The following DNAH12 variants were observed in gnomAD, a reference collection of about 807,000 sequenced individuals.
DNAH12 encodes the protein dynein axonemal heavy chain 12.
Under a neutral mutation model 371.5 loss-of-function variants are expected in DNAH12, and 285 were observed. The observed-to-expected ratio is 0.77, with a 90% CI of 0.70 to 0.85. The LOEUF is 0.85. DNAH12 is among the 40% of genes least tolerant of loss of function. DNAH12 has a pLI of 0.00. For missense variants in DNAH12, 3,611 were observed against 3,689.4 expected (o/e 0.98, Z 0.55); for synonymous variants, 1,200 against 1,213.0 (o/e 0.99, Z 0.22).
intron 43 of DNAH12, among the ~76,000 whole-genome samples, chr3:57,396,586 T>G (rs1467815886): frequency 6.6e-6 from 1 of 151,830 alleles, no homozygotes; most frequent in Non-Finnish European, 1.5e-5. Context: ...CTCCCAAGTA[T>G]CTGAGATTAC....
At position 57,348,973 on chromosome 3, in the gene DNAH12, T is replaced by C. The variant is rs202067281; in HGVS notation, c.9674+3112A>G. On this transcript the variant is annotated intron_variant, in intron 60 of 73. Coordinates refer to ENST00000495027, the MANE Select transcript of DNAH12 (RefSeq NM_001366028.2). ...CAAATGCAACAAAAACAAAGATAAA[T>C]AGATGGGACTTAATTAAACTAAAAA... Among the ~76,000 whole-genome samples, 6 of 152,030 alleles carry C rather than the reference T, an allele frequency of 3.9e-5. No homozygotes were observed. In the East Asian group the frequency reaches 1.2e-3, roughly 29 times the overall value.
intron 25 of DNAH12, among the ~76,000 whole-genome samples, chr3:57,449,897 G>A (rs1477625866): frequency 2.0e-5 from 3 of 152,192 alleles, no homozygotes; most frequent in Non-Finnish European, 2.9e-5. Context: ...CTGCCATCAC[G>A]CTGTCATCTC....
intron 30 of DNAH12, among the ~76,000 whole-genome samples, chr3:57,434,093 TA>T (rs1005934820): frequency 1.8e-4 from 27 of 152,174 alleles, no homozygotes; most frequent in Admixed American, 7.2e-4. Flanking sequence ...TGTGTACTCT[TA>T]AAAAAACTAA....
At chr3:57,351,011 C>T (rs1248113298) in intron 60 of DNAH12, among the ~76,000 whole-genome samples, 1 of 150,286 alleles carries the variant, frequency 6.7e-6, no homozygotes, top group Non-Finnish European at 1.5e-5. Context: ...TGGCTCACAC[C>T]TGTAATACCA....
At chr3:57,391,470 CT>C in intron 45 of DNAH12, among the ~76,000 whole-genome samples, 1 of 152,276 alleles carries the variant, frequency 6.6e-6, no homozygotes, top group East Asian at 1.9e-4. Flanking sequence ...GATCTTGGGA[CT>C]TTTTAGGCTT....
At chr3:57,396,641 G>C (rs2063748100) in intron 43 of DNAH12, among the ~76,000 whole-genome samples, 1 of 152,162 alleles carries the variant, frequency 6.6e-6, no homozygotes, top group Non-Finnish European at 1.5e-5. Flanking sequence ...AGCCTCCCAA[G>C]TATCTGAGAT....
In DNAH12 at chr3:57,302,535, A is replaced by C. The variant is rs1310860356; in HGVS notation, c.11190-596T>G. On this transcript the variant is annotated intron_variant, in intron 69 of 73. Coordinates refer to ENST00000495027, the MANE Select transcript of DNAH12 (RefSeq NM_001366028.2). ...ATTAACTAAGGCATCAGGTGTATAT[A>C]TATATATATATATATATATATATAT... 3.0e-3 allele frequency among the ~76,000 whole-genome samples: 118 copies of C among 38,840 alleles called. 2 individuals are homozygous for C. The highest frequency in any genetic ancestry group is 8.3e-3 in the African/African-American group (113 of 13,572). 25.5% of individuals were successfully genotyped at this position (38,840 alleles called of 152,430 possible).
intron 41 of DNAH12, 83 bp downstream of exon 41, chr3:57,405,570 T>TG: frequency 7.3e-7 from 1 of 1,376,334 alleles, no homozygotes; most frequent in South Asian, 1.5e-5. Flanking sequence ...CATTAAGAAA[T>TG]GATTTTTAAA....
At chr3:57,339,662 T>C (rs2062344890) in intron 60 of DNAH12, among the ~76,000 whole-genome samples, 1 of 152,124 alleles carries the variant, frequency 6.6e-6, no homozygotes, top group Non-Finnish European at 1.5e-5. Flanking sequence ...TTAAGTATCT[T>C]ATCTGACCAC....
At chr3:57,502,774 T>C (rs924982943) in intron 9 of DNAH12, among the ~76,000 whole-genome samples, 14 of 152,182 alleles carry the variant, frequency 9.2e-5, no homozygotes, top group Non-Finnish European at 1.5e-4. Flanking sequence ...CTCGAACTCC[T>C]GACCTCGTGA....
In DNAH12 at chr3:57,524,090, AAAAATC is replaced by A. The variant is rs530065273; in HGVS notation, c.171-212_171-207del. ...CATATATATGTAACAGGGTGAAACT[AAAAATC>A]AAAATCAAATTTTTTCAAGTATAAC... On this transcript the variant is annotated intron_variant, in intron 2 of 73. Coordinates refer to ENST00000495027, the MANE Select transcript of DNAH12 (RefSeq NM_001366028.2). 1.3e-4 allele frequency among the ~76,000 whole-genome samples: 20 copies of A among 152,296 alleles called. No homozygotes were observed. In the South Asian group the frequency reaches 4.1e-3, roughly 32 times the overall value.
intron 29 of DNAH12, among the ~76,000 whole-genome samples, chr3:57,442,281 G>T (rs898467416): frequency 7.0e-5 from 8 of 114,574 alleles, no homozygotes; most frequent in African/African-American, 2.1e-4. Flanking sequence ...AGCGTAAGAG[G>T]CTTTTTTTTT....
chr3:57,358,442 T>G (rs2062848924), intron 58 of DNAH12, among the ~76,000 whole-genome samples: 1 of 150,652 alleles, frequency 6.6e-6, no homozygotes, highest in South Asian at 2.1e-4. Context: ...AGGCCTTCCG[T>G]TCATCCTTGA....
chr3:57,405,423 TTATATC>T (rs2063993540), intron 41 of DNAH12, among the ~76,000 whole-genome samples: 1 of 152,194 alleles, frequency 6.6e-6, no homozygotes. Flanking sequence ...GTTAAGCACT[TTATATC>T]TATTATATCA....
chr3:57,370,193 A>G lies in DNAH12; in HGVS notation c.8760-1933T>C, dbSNP rs1371331578. On this transcript the variant is annotated intron_variant, in intron 55 of 73. Coordinates refer to ENST00000495027, the MANE Select transcript of DNAH12 (RefSeq NM_001366028.2). ...ATAAACACTAAAAAAGGAACAGACT[A>G]TTTTGCATTTTATTTGTTTGTCTCC... 4.7e-5 allele frequency among the ~76,000 whole-genome samples: 7 copies of G among 149,308 alleles called. No homozygotes were observed. In the Admixed American group the frequency reaches 4.8e-4, roughly 10 times the overall value.
chr3:57,393,685 G>A (rs1435491142), intron 44 of DNAH12, among the ~76,000 whole-genome samples: 4 of 148,022 alleles, frequency 2.7e-5, no homozygotes, highest in Non-Finnish European at 4.4e-5. Flanking sequence ...AAAGAAATGA[G>A]GGTTAAAGTA....
chr3:57,501,359 A>G lies in DNAH12; in HGVS notation c.1297T>C (p.Phe433Leu). The G allele has an allele frequency of 6.3e-7, 1 of 1,596,920 alleles. No homozygotes were observed. The highest frequency in any genetic ancestry group is 1.8e-5 in the Admixed American group (1 of 55,138). Residue 433 changes from phenylalanine (F) to leucine (L), a missense_variant, in exon 11 of 74, where the codon TTT (phenylalanine) becomes CTT (leucine). Transcript: ENST00000495027. Reference sequence around the variant, plus strand: ...TCAAAAGTATGATCTTCTGTCTGAAAAGTCTCTATATTCTCAACTGCAGTC... The same window carrying G: ...TCAAAAGTATGATCTTCTGTCTGAAGAGTCTCTATATTCTCAACTGCAGTC... ...DGTAVENIET[F>L]QTEDHTFDEY...
chr3:57,485,877 T>TGTACACTACTTGAGTGATGG (rs2066908030), intron 12 of DNAH12, among the ~76,000 whole-genome samples: 2 of 152,166 alleles, frequency 1.3e-5, no homozygotes, highest in African/African-American at 4.8e-5. Flanking sequence ...ATTGGTACAG[T>TGTACACTACTTGAGTGATGG]GTACACTACT....
intron 47 of DNAH12, among the ~76,000 whole-genome samples, chr3:57,386,117 C>G (rs1328348989): frequency 6.6e-6 from 1 of 151,932 alleles, no homozygotes; most frequent in Non-Finnish European, 1.5e-5. Flanking sequence ...TATATTTAAC[C>G]AGCTTTTACA....
Sources: allele counts gnomAD v4.1 joint callset (sites outside exome capture counted in the v4.1 genomes callset), GRCh38; gene constraint gnomAD v4.1.1; transcripts MANE v1.5; gene names NCBI Gene and HGNC (gene_info 2026-07-23, HGNC 2026-07-21).